DLGAP1: variants seen among roughly 807,000 people sequenced by gnomAD.
The protein encoded by DLGAP1 is DLG associated protein 1.
A neutral mutation model predicts 90.8 loss-of-function variants in DLGAP1; 11 were observed. The ratio of observed to expected loss-of-function variants is 0.12; its 90% CI spans 0.08 to 0.20. The LOEUF (loss-of-function observed/expected upper bound fraction) is 0.20, where lower values mean the gene tolerates loss of function less well. Among genes scored for constraint, DLGAP1 ranks in the 10% least tolerant of loss-of-function variants. The pLI, the probability that DLGAP1 is intolerant of heterozygous loss-of-function variation, is 1.00. For synonymous variants in DLGAP1, 558 were observed against 540.7 expected (o/e 1.03, Z -0.44); for missense variants, 1,050 against 1,333.8 (o/e 0.79, Z 3.31).
chr18:3,998,625 A>T, intron 3 of DLGAP1, among the ~76,000 whole-genome samples: 1 of 152,310 alleles, frequency 6.6e-6, no homozygotes, highest in South Asian at 2.1e-4. Flanking sequence ...TTTTAATAAA[A>T]TAATATTCAT....
intron 1 of DLGAP1, among the ~76,000 whole-genome samples, chr18:4,276,170 ATT>A (rs35566291): frequency 0.025 from 3,187 of 125,256 alleles, 130 homozygotes; most frequent in African/African-American, 0.088. Flanking sequence ...AGGGGGCTTG[ATT>A]TTTTTTTTTT....
At chr18:3,826,032 A>G (rs2067692319) in intron 4 of DLGAP1, among the ~76,000 whole-genome samples, 1 of 152,206 alleles carries the variant, frequency 6.6e-6, no homozygotes, top group Non-Finnish European at 1.5e-5. Context: ...GAAACGGAAA[A>G]CCAAATACTG....
At chr18:3,767,560 G>A (rs2064309489) in intron 5 of DLGAP1, among the ~76,000 whole-genome samples, 1 of 151,974 alleles carries the variant, frequency 6.6e-6, no homozygotes, top group African/African-American at 2.4e-5. Context: ...TGACCAAGTG[G>A]AATTTACTCC....
intron 1 of DLGAP1, among the ~76,000 whole-genome samples, chr18:4,449,821 C>T (rs943576215): frequency 6.6e-6 from 1 of 152,160 alleles, no homozygotes; most frequent in African/African-American, 2.4e-5. Context: ...AAAGAGGGAA[C>T]AATGTAAGAA....
Position 3,733,221 on chromosome 18 carries a change from C to T in DLGAP1, c.1351-3846G>A, listed in dbSNP as rs561325606. Among the ~76,000 whole-genome samples the T allele has an allele frequency of 7.2e-5, 11 of 152,210 alleles. No homozygotes were observed. In the South Asian group the frequency reaches 8.3e-4, roughly 11 times the overall value. Reference sequence around the variant, plus strand: ...TATTTACATTGTCAGAGCAAATAAACGTATTATGCTCCCCAACCAGTGAAC... The same window carrying T: ...TATTTACATTGTCAGAGCAAATAAATGTATTATGCTCCCCAACCAGTGAAC... On this transcript the variant is annotated intron_variant, in intron 6 of 12. Coordinates refer to ENST00000315677, the MANE Select transcript of DLGAP1 (RefSeq NM_004746.4).
chr18:3,646,986 C>A (rs971652272), intron 7 of DLGAP1, among the ~76,000 whole-genome samples: 1 of 151,680 alleles, frequency 6.6e-6, no homozygotes, highest in African/African-American at 2.4e-5. Flanking sequence ...CGGTGGCTCA[C>A]GCCTGTAATC....
intron 1 of DLGAP1, among the ~76,000 whole-genome samples, chr18:4,211,066 G>T (rs1357107677): frequency 2.0e-5 from 3 of 152,216 alleles, no homozygotes; most frequent in Non-Finnish European, 2.9e-5. Flanking sequence ...CCTTTTTGAA[G>T]TTAAAGGTAG....
chr18:3,745,335 A>G (rs930819313), intron 5 of DLGAP1, among the ~76,000 whole-genome samples: 9 of 152,362 alleles, frequency 5.9e-5, no homozygotes, highest in African/African-American at 1.9e-4. Context: ...AAAATGGTGA[A>G]TTATATGTTA....
intron 1 of DLGAP1, among the ~76,000 whole-genome samples, chr18:4,182,755 GT>G (rs1034091935): frequency 6.6e-6 from 1 of 152,130 alleles, no homozygotes. Flanking sequence ...GTTATTAAAT[GT>G]TGCCACCACA....
At chr18:3,942,444 C>T (rs746492494) in intron 3 of DLGAP1, among the ~76,000 whole-genome samples, 3 of 152,184 alleles carry the variant, frequency 2.0e-5, no homozygotes, top group Non-Finnish European at 2.9e-5. Context: ...CTTCAGAATA[C>T]GTTTTCCAGG....
intron 1 of DLGAP1, among the ~76,000 whole-genome samples, chr18:4,438,251 A>C (rs1184318652): frequency 6.6e-6 from 1 of 151,966 alleles, no homozygotes; most frequent in Non-Finnish European, 1.5e-5. Context: ...GGAATCAACA[A>C]ATGTTGTGAA....
At chr18:4,365,630 G>A (rs2081746315) in intron 1 of DLGAP1, among the ~76,000 whole-genome samples, 1 of 152,064 alleles carries the variant, frequency 6.6e-6, no homozygotes, top group African/African-American at 2.4e-5. Context: ...ATATGGATAT[G>A]TGTATGTACC....
At chr18:4,200,906 TATAGGGATC>T (rs2077594869) in intron 1 of DLGAP1, among the ~76,000 whole-genome samples, 1 of 152,156 alleles carries the variant, frequency 6.6e-6, no homozygotes, top group African/African-American at 2.4e-5. Flanking sequence ...AGGTGGGAAA[TATAGGGATC>T]TTGTAGGCCT....
At chr18:3,951,847 C>T (rs1298967034) in intron 3 of DLGAP1, among the ~76,000 whole-genome samples, 1 of 152,104 alleles carries the variant, frequency 6.6e-6, no homozygotes, top group Non-Finnish European at 1.5e-5. Context: ...ATGCCATGAT[C>T]GTAAGTTTCC....
intron 1 of DLGAP1, among the ~76,000 whole-genome samples, chr18:4,287,002 G>A (rs2145478504): frequency 6.6e-6 from 1 of 152,236 alleles, no homozygotes; most frequent in Non-Finnish European, 1.5e-5. Flanking sequence ...TGTTAAAAGA[G>A]CGGGTACCTC....
At chr18:3,656,190 G>T in intron 7 of DLGAP1, 1 of 1,262,196 alleles carries the variant, frequency 7.9e-7, no homozygotes, top group East Asian at 2.7e-5. Flanking sequence ...ACACACGCAT[G>T]CTTCAGATTT....
intron 2 of DLGAP1, among the ~76,000 whole-genome samples, chr18:4,073,889 T>G (rs961264990): frequency 5.3e-5 from 8 of 152,034 alleles, no homozygotes; most frequent in African/African-American, 1.9e-4. Context: ...AACAACCAAT[T>G]AAGACTTTTT....
At chr18:3,888,107 C>CAAAAAA in intron 3 of DLGAP1, among the ~76,000 whole-genome samples, 1 of 49,378 alleles carries the variant, frequency 2.0e-5, no homozygotes, top group Non-Finnish European at 3.7e-5. Context: ...GACTCCATCT[C>CAAAAAA]AAAAAAAAAA....
intron 1 of DLGAP1, among the ~76,000 whole-genome samples, chr18:4,444,154 C>T (rs1040443654): frequency 6.6e-6 from 1 of 152,192 alleles, no homozygotes; most frequent in Non-Finnish European, 1.5e-5. Context: ...ACTTAGAGCC[C>T]ACTGTGACCA....
Sources: allele counts gnomAD v4.1 joint callset (sites outside exome capture counted in the v4.1 genomes callset), GRCh38; gene constraint gnomAD v4.1.1; transcripts MANE v1.5; gene names NCBI Gene and HGNC (gene_info 2026-07-23, HGNC 2026-07-21).